Variants in KIF5C observed in about 807,000 individuals in gnomAD.
KIF5C encodes the protein kinesin heavy chain isoform 5C.
Under a neutral mutation model 125.2 loss-of-function variants are expected in KIF5C, and 18 were observed. That is an observed-to-expected ratio of 0.14 (90% CI 0.10 to 0.21). The LOEUF (loss-of-function observed/expected upper bound fraction) is 0.21. KIF5C is among the 10% of genes least tolerant of loss of function. The probability of loss-of-function intolerance (pLI) is 1.00; values close to 1 mark genes in which losing one functional copy is unlikely to be tolerated. For synonymous variants in KIF5C, 405 were observed against 434.0 expected, an observed-to-expected ratio of 0.93 and a Z score of 0.83; for missense variants, 780 against 1,183.8, an observed-to-expected ratio of 0.66 and a Z score of 5.01.
chr2:148,895,401 G>A (rs1454782986), intron 1 of KIF5C, among the ~76,000 whole-genome samples: 2 of 152,040 alleles, frequency 1.3e-5, no homozygotes, highest in Non-Finnish European at 2.9e-5. Context: ...GCCTCCCAAA[G>A]TCCTGGGATT....
rs1348015882 is a variant in KIF5C at position 149,024,550 on chromosome 2, GTGTGTGTGTGTA to G, written c.*1488_*1499del. ...TGTGTGTGTGTGTGTGTGTGTGTGT[GTGTGTGTGTGTA>G]TGTGTGTAAAGTGCTAAGAACTGTG... is the stretch of plus-strand genomic sequence containing the variant. On this transcript the variant is annotated 3_prime_UTR_variant, in exon 26 of 26. Coordinates refer to ENST00000435030, the MANE Select transcript of KIF5C (RefSeq NM_004522.3). 2.5e-4 allele frequency: 38 copies of G among 150,862 alleles called. No individual in the cohort carries two copies. The highest frequency in any genetic ancestry group is 9.1e-4 in the African/African-American group (37 of 40,508). 9.3% of individuals were successfully genotyped at this position (150,862 alleles called of 1,614,324 possible).
At chr2:148,974,466 G>A (rs954962962) in intron 12 of KIF5C, among the ~76,000 whole-genome samples, 1 of 152,100 alleles carries the variant, frequency 6.6e-6, no homozygotes, top group Non-Finnish European at 1.5e-5. Flanking sequence ...TTGCCTTAAG[G>A]AAGCTAGTTC....
chr2:148,903,544 C>T (rs1052924732), intron 1 of KIF5C, among the ~76,000 whole-genome samples: 9 of 152,258 alleles, frequency 5.9e-5, no homozygotes, highest in Middle Eastern at 3.4e-3. Context: ...TTCCAAGGCC[C>T]GTCATGCAGG....
intron 1 of KIF5C, among the ~76,000 whole-genome samples, chr2:148,900,740 G>T (rs754368374): frequency 1.3e-5 from 2 of 152,200 alleles, no homozygotes; most frequent in Non-Finnish European, 2.9e-5. Flanking sequence ...ATGCATTGGG[G>T]ACAAAGAAAT....
intron 1 of KIF5C, among the ~76,000 whole-genome samples, chr2:148,895,472 CA>C (rs1358553868): frequency 6.6e-6 from 1 of 151,288 alleles, no homozygotes; most frequent in African/African-American, 2.4e-5. Flanking sequence ...TTATGGCAAA[CA>C]TTTTTTTGGC....
chr2:149,020,887 G>A (rs889932809), intron 25 of KIF5C, among the ~76,000 whole-genome samples: 3 of 152,172 alleles, frequency 2.0e-5, no homozygotes, highest in Non-Finnish European at 4.4e-5. Context: ...AATTTCACCA[G>A]AAAGGCCATG....
At chr2:148,990,652 C>T (rs568486624) in intron 15 of KIF5C, among the ~76,000 whole-genome samples, 68 of 152,334 alleles carry the variant, frequency 4.5e-4, no homozygotes, top group African/African-American at 1.6e-3. Context: ...TTGGGTGTCG[C>T]TGCTGTTACA....
At chr2:148,941,323 A>G (rs1247908643) in intron 4 of KIF5C, among the ~76,000 whole-genome samples, 1 of 152,204 alleles carries the variant, frequency 6.6e-6, no homozygotes, top group Non-Finnish European at 1.5e-5. Flanking sequence ...CTTAAAGCCT[A>G]GAGTCCTCCT....
intron 1 of KIF5C, among the ~76,000 whole-genome samples, chr2:148,908,615 C>T (rs1044938643): frequency 3.9e-5 from 6 of 152,180 alleles, no homozygotes; most frequent in Admixed American, 6.5e-5. Context: ...GTATTACCTA[C>T]ACCATGGGGT....
Position 148,981,569 on chromosome 2 carries a change from C to T in KIF5C, c.1569+8C>T. ...GAGCTGGCCCAGAAAACGGTTGGAGCATTTGTGTCTAGGGGGTGGGACTTC... is the reference window on the plus strand; with the variant it reads ...GAGCTGGCCCAGAAAACGGTTGGAGTATTTGTGTCTAGGGGGTGGGACTTC... On this transcript the variant is annotated splice_region_variant and intron_variant, in intron 14 of 25. Transcript: ENST00000435030. 1 of 1,582,210 alleles carries T rather than the reference C, an allele frequency of 6.3e-7. No individual in the cohort carries two copies. The highest frequency in any genetic ancestry group is 8.6e-7 in the Non-Finnish European group (1 of 1,164,432).
intron 10 of KIF5C, among the ~76,000 whole-genome samples, chr2:148,959,923 C>G (rs1206431546): frequency 6.6e-6 from 1 of 152,164 alleles, no homozygotes; most frequent in Admixed American, 6.5e-5. Context: ...CAATCTTTTC[C>G]TTCTAGCCTT....
At chr2:148,922,797 A>G (rs948488530) in intron 2 of KIF5C, among the ~76,000 whole-genome samples, 1 of 152,148 alleles carries the variant, frequency 6.6e-6, no homozygotes, top group African/African-American at 2.4e-5. Flanking sequence ...CCCATTTTCA[A>G]CCATCCCACC....
At chr2:149,021,694 T>C (rs984250795) in intron 25 of KIF5C, among the ~76,000 whole-genome samples, 3 of 148,602 alleles carry the variant, frequency 2.0e-5, no homozygotes, top group Non-Finnish European at 3.0e-5. Context: ...GCATAATGCA[T>C]AATGTGTCAG....
At chr2:148,921,518 T>C (rs541205091) in intron 1 of KIF5C, among the ~76,000 whole-genome samples, 9 of 152,214 alleles carry the variant, frequency 5.9e-5, no homozygotes, top group Admixed American at 2.6e-4. Flanking sequence ...CTGATTTTCT[T>C]GCCCTCCAGT....
chr2:148,988,875 C>G (rs78227273), intron 15 of KIF5C, among the ~76,000 whole-genome samples: 3,678 of 152,320 alleles, frequency 0.024, 138 homozygotes, highest in African/African-American at 0.077. Flanking sequence ...GAAATAGATA[C>G]TTGTCAATTT....
chr2:149,006,468 G>T (rs1334184568), intron 22 of KIF5C, among the ~76,000 whole-genome samples: 3 of 152,152 alleles, frequency 2.0e-5, no homozygotes, highest in African/African-American at 7.2e-5. Context: ...TTATGTGAAG[G>T]CTCAGTCCTT....
chr2:148,962,149 C>T (rs1283674343), intron 11 of KIF5C, 30 bp downstream of exon 11: 1 of 1,560,358 alleles, frequency 6.4e-7, no homozygotes, highest in East Asian at 2.3e-5. Context: ...AAGAGTGAGG[C>T]ATGAGTGTGT....
chr2:149,008,228 T>G (rs1294920357), intron 23 of KIF5C, among the ~76,000 whole-genome samples, 161 bp downstream of exon 23: 1 of 152,204 alleles, frequency 6.6e-6, no homozygotes, highest in Non-Finnish European at 1.5e-5. Flanking sequence ...TACAAATCCT[T>G]TAGTTCTCAG....
At chr2:148,937,225 C>G in intron 3 of KIF5C, 59 bp from the exon 4 acceptor site, 1 of 1,541,414 alleles carries the variant, frequency 6.5e-7, no homozygotes, top group South Asian at 1.2e-5. Context: ...GGTTCTCCCT[C>G]TCTCTCATGT....
Sources: allele counts gnomAD v4.1 joint callset (sites outside exome capture counted in the v4.1 genomes callset), GRCh38; gene constraint gnomAD v4.1.1; transcripts MANE v1.5; gene names NCBI Gene and HGNC (gene_info 2026-07-23, HGNC 2026-07-21).